FYB1: variants seen among roughly 807,000 people sequenced by gnomAD.
The protein encoded by FYB1 is FYN-binding protein 1.
A neutral mutation model predicts 94.1 loss-of-function variants in FYB1; 41 were observed. That is an observed-to-expected ratio of 0.44 (90% CI 0.34 to 0.57). FYB1 has a LOEUF of 0.57. Among genes scored for constraint, FYB1 ranks in the 20% least tolerant of loss-of-function variants. The pLI, the probability that FYB1 is intolerant of heterozygous loss-of-function variation, is 0.02. For synonymous variants in FYB1, 367 were observed against 353.2 expected, an observed-to-expected ratio of 1.04 and a Z score of -0.44; for missense variants, 1,050 against 976.8, an observed-to-expected ratio of 1.07 and a Z score of -1.00.
chr5:39,227,293 C>A (rs1485704059), intron 1 of FYB1, among the ~76,000 whole-genome samples: 2 of 152,078 alleles, frequency 1.3e-5, no homozygotes, highest in African/African-American at 4.8e-5. Flanking sequence ...AATTTTGGTA[C>A]AACTGGAGAA....
rs901771421 is a variant in FYB1, at chr5:39,123,655, ATATACT to A, written c.2071+592_2071+597del. Among the ~76,000 whole-genome samples, 29 of 152,258 alleles carry A rather than the reference ATATACT, an allele frequency of 1.9e-4. No individual in the cohort carries two copies. The South Asian group carries it at 5.0e-3, about 26-fold the overall frequency. The stretch of plus-strand genomic sequence containing the variant: ...ACCTCTGTGTTGGTTTGCTCTTTTA[ATATACT>A]TATAAGTTAAAATAAATAAACTTTT... On this transcript the variant is annotated intron_variant, in intron 13 of 18. Coordinates refer to ENST00000512982, the MANE Select transcript of FYB1 (RefSeq NM_001465.6).
At chr5:39,209,255 G>A (rs761379504) in intron 1 of FYB1, among the ~76,000 whole-genome samples, 4 of 152,012 alleles carry the variant, frequency 2.6e-5, no homozygotes, top group East Asian at 1.9e-4. Flanking sequence ...CACAAGCATC[G>A]TAGATAACAA....
chr5:39,108,853 G>T (rs1224233094), intron 17 of FYB1, among the ~76,000 whole-genome samples: 2 of 151,786 alleles, frequency 1.3e-5, no homozygotes, highest in African/African-American at 4.8e-5. Context: ...AGTAATTTTG[G>T]TACTTTTACA....
chr5:39,223,368 A>G (rs1009017367), upstream of FYB1, among the ~76,000 whole-genome samples: 1 of 152,172 alleles, frequency 6.6e-6, no homozygotes, highest in Non-Finnish European at 1.5e-5. Flanking sequence ...CAGAAGGTGA[A>G]GTTGAAAAGA....
At chr5:39,169,298 A>G in intron 2 of FYB1, 1 of 850,978 alleles carries the variant, frequency 1.2e-6, no homozygotes, top group Admixed American at 1.7e-5. Context: ...CCATATATAT[A>G]ATCACAAAAA....
chr5:39,185,613 T>TAC (rs1561230271), intron 2 of FYB1, among the ~76,000 whole-genome samples: 17 of 145,930 alleles, frequency 1.2e-4, no homozygotes, highest in African/African-American at 4.3e-4. Flanking sequence ...TATACACATA[T>TAC]ATATATATAC....
At chr5:39,141,271 A>G (rs1474264854) in intron 3 of FYB1, 130 bp from the exon 4 acceptor site, 1 of 685,762 alleles carries the variant, frequency 1.5e-6, no homozygotes, top group African/African-American at 1.8e-5. Context: ...AAAGCTTCAG[A>G]CATCACTAGC....
At chr5:39,141,450 G>A (rs961550247) in intron 3 of FYB1, among the ~76,000 whole-genome samples, 1 of 152,076 alleles carries the variant, frequency 6.6e-6, no homozygotes, top group African/African-American at 2.4e-5. Flanking sequence ...TCAATTCTGG[G>A]ATTATGAGGG....
intron 5 of FYB1, chr5:39,138,954 G>A: frequency 1.8e-6 from 1 of 543,856 alleles, no homozygotes; most frequent in Non-Finnish European, 3.3e-6. Flanking sequence ...GAAATAGACT[G>A]GGAAAGCAAA....
At position 39,202,219 on chromosome 5, in the gene FYB1, T is replaced by C. The variant is rs868465107; in HGVS notation, c.742A>G (p.Lys248Glu). ...LKPAREDSENKDHAGEISSLP... is the reference protein window; with the variant it reads ...LKPAREDSENEDHAGEISSLP... ...CTTGAAATCTCCCCTGCATGGTCTT[T>C]ATTTTCTGAGTCTTCCCTTGCTGGT... The change falls in exon 2 of 19, where the codon AAA becomes GAA. Residue 248 changes from lysine to glutamate, a missense_variant. Coordinates refer to ENST00000512982, the MANE Select transcript of FYB1 (RefSeq NM_001465.6). The C allele has an allele frequency of 1.2e-6, 2 of 1,614,004 alleles. No homozygotes were observed. Among genetic ancestry groups the C allele is most frequent in the Non-Finnish European group, 1.7e-6 (2 of 1,179,884 alleles).
At chr5:39,162,890 A>G (rs978738568) in intron 2 of FYB1, among the ~76,000 whole-genome samples, 2 of 152,200 alleles carry the variant, frequency 1.3e-5, no homozygotes, top group Non-Finnish European at 2.9e-5. Context: ...TATGTTTATA[A>G]GACATTTTAT....
intron 1 of FYB1, among the ~76,000 whole-genome samples, chr5:39,232,165 A>G (rs1219787604): frequency 6.6e-6 from 1 of 152,130 alleles, no homozygotes. Flanking sequence ...ACATGCACAC[A>G]CACTACACAT....
At chr5:39,169,506 C>G in intron 2 of FYB1, 1 of 602,644 alleles carries the variant, frequency 1.7e-6, no homozygotes, top group South Asian at 1.4e-5. Context: ...GTTACTACTA[C>G]TTCCAGAGGC....
At chr5:39,247,392 T>C (rs1027609837) in intron 1 of FYB1, among the ~76,000 whole-genome samples, 7 of 151,978 alleles carry the variant, frequency 4.6e-5, no homozygotes, top group Admixed American at 3.9e-4. Flanking sequence ...TGACACATGA[T>C]AAAATCTTTA....
At chr5:39,230,895 A>G in intron 1 of FYB1, among the ~76,000 whole-genome samples, 1 of 151,888 alleles carries the variant, frequency 6.6e-6, no homozygotes, top group South Asian at 2.1e-4. Context: ...ATACACATAC[A>G]TGTATATATA....
At chr5:39,121,463 A>G (rs1740093385) in intron 14 of FYB1, among the ~76,000 whole-genome samples, 1 of 152,178 alleles carries the variant, frequency 6.6e-6, no homozygotes, top group Non-Finnish European at 1.5e-5. Context: ...AAAAATAAAT[A>G]CTTAGCGTTT....
At chr5:39,241,209 T>C (rs1431160132) in intron 1 of FYB1, among the ~76,000 whole-genome samples, 3 of 152,164 alleles carry the variant, frequency 2.0e-5, no homozygotes, top group Non-Finnish European at 2.9e-5. Context: ...GCCTATTGGG[T>C]ACTATGCTGA....
chr5:39,223,511 A>G (rs1410285119), upstream of FYB1, among the ~76,000 whole-genome samples: 2 of 152,232 alleles, frequency 1.3e-5, no homozygotes, highest in African/African-American at 2.4e-5. Flanking sequence ...GAGCAATTAA[A>G]TTTAAAAAAA....
chr5:39,262,983 G>A (rs1286444596), intron 1 of FYB1, among the ~76,000 whole-genome samples: 1 of 152,164 alleles, frequency 6.6e-6, no homozygotes, highest in African/African-American at 2.4e-5. Flanking sequence ...GAAAAGGGCA[G>A]AAAGGGACTT....
Sources: gnomAD v4.1 joint callset for allele counts (sites outside exome capture counted in the v4.1 genomes callset) on GRCh38, gnomAD v4.1.1 for gene constraint, MANE v1.5 for transcripts, NCBI Gene and HGNC (gene_info 2026-07-23, HGNC 2026-07-21) for gene names.